PASK: variants seen among roughly 807,000 people sequenced by gnomAD.
PASK encodes PAS domain containing serine/threonine kinase.
Under a neutral mutation model 121.0 loss-of-function variants are expected in PASK, and 110 were observed. That is an observed-to-expected ratio of 0.91 (90% CI 0.78 to 1.06). The LOEUF is 1.06. Ranked by LOEUF, PASK falls within the 50% of genes least tolerant of loss-of-function variation. The pLI is 0.00. For synonymous variants in PASK, 686 were observed against 717.8 expected, an observed-to-expected ratio of 0.96 and a Z score of 0.71; for missense variants, 1,643 against 1,702.3, an observed-to-expected ratio of 0.97 and a Z score of 0.61.
Position 241,115,334 on chromosome 2 carries a change from A to G in PASK, c.3152T>C (p.Leu1051Ser). 6.2e-7 allele frequency: 1 copy of G among 1,613,922 alleles called. No homozygotes were observed. Among genetic ancestry groups the G allele is most frequent in the Non-Finnish European group, 8.5e-7 (1 of 1,179,862 alleles). The change falls in exon 13 of 18, where the codon TTA becomes TCA. Residue 1051 changes from leucine (L) to serine (S), a missense_variant. By Grantham distance (145) the Leu-to-Ser change is moderately radical. Around this residue, in one of 3 missense-constraint regions of PASK, gnomAD observed 453 missense variants for 511.2 expected, o/e 0.89. Coordinates refer to ENST00000234040, the MANE Select transcript of PASK (RefSeq NM_015148.4). ...CACCCTGGATAGAATTGCGATCTCT[A>G]AAGTAACTTTCCCAAGTTTGGGATC... is the stretch of plus-strand genomic sequence containing the variant. ...IEDPKLGKVT[L>S]EIAILSRVEH...
In PASK at chr2:241,126,445, CTGTTGGATCA is replaced by C. The variant is rs1304726464; in HGVS notation, c.2460_2469del (p.His820GlnfsTer45). The C allele has an allele frequency of 6.2e-6, 10 of 1,614,146 alleles. No homozygotes were observed. The East Asian group carries it at 2.2e-4, about 36-fold the overall frequency. ...GACACCAAACAAACCTCAAGCGGTT[CTGTTGGATCA>C]TGTCCCACACAGCTCTCCCGGAACC... On this transcript the variant is annotated frameshift_variant, in exon 10 of 18. Transcript: ENST00000234040. LOFTEE classifies it high-confidence loss of function.
At chr2:241,129,021 C>CT (rs2066004705) in intron 9 of PASK, among the ~76,000 whole-genome samples, 8 of 131,152 alleles carry the variant, frequency 6.1e-5, no homozygotes, top group Non-Finnish European at 8.4e-5. Context: ...ATGTCTCCCG[C>CT]CTCTCTCCCT....
At chr2:241,120,258 T>C (rs889014277) in intron 12 of PASK, among the ~76,000 whole-genome samples, 1 of 152,074 alleles carries the variant, frequency 6.6e-6, no homozygotes, top group Non-Finnish European at 1.5e-5. Flanking sequence ...TTTGGGAGGC[T>C]AAGGCGGGTA....
intron 12 of PASK, among the ~76,000 whole-genome samples, chr2:241,117,874 CA>C (rs2065442619): frequency 6.6e-6 from 1 of 152,086 alleles, no homozygotes; most frequent in Non-Finnish European, 1.5e-5. Context: ...GAAAAACTGG[CA>C]ACGAATATAT....
At chr2:241,114,754 T>C (rs1241902131) in intron 14 of PASK, 27 of 1,394,682 alleles carry the variant, frequency 1.9e-5, no homozygotes, top group Middle Eastern at 2.6e-4. Context: ...TTAATTTTTA[T>C]GATTGTTGTG....
rs771534365 is a variant in PASK at position 241,123,999 on chromosome 2, C to T, written c.2854G>A (p.Gly952Ser). Residue 952 changes from glycine to serine, a missense_variant, in exon 11 of 18, where the codon GGC becomes AGC. By Grantham distance (56) the Gly-to-Ser change is moderately conservative. Around this residue, in one of 3 missense-constraint regions of PASK, gnomAD observed 453 missense variants for 511.2 expected, o/e 0.89. Transcript: ENST00000234040. ...RTRLFLASLP[G>S]STHSTAAELT... ...TCAGCAGCGGTAGAGTGGGTGGAGCCGGGCAGGCTGGCAAGGAACAGGCGG... is the reference window on the plus strand; with the variant it reads ...TCAGCAGCGGTAGAGTGGGTGGAGCTGGGCAGGCTGGCAAGGAACAGGCGG... The T allele has an allele frequency of 3.0e-5, 48 of 1,613,916 alleles. No homozygotes were observed. Among genetic ancestry groups the T allele is most frequent in the Non-Finnish European group, 3.7e-5 (44 of 1,180,010 alleles).
chr2:241,109,687 T>G (rs912054570), intron 15 of PASK: 3 of 152,358 alleles, frequency 2.0e-5, no homozygotes, highest in Non-Finnish European at 4.4e-5. Flanking sequence ...AGCGGACGGA[T>G]GAGAGCTGTA....
upstream of PASK, chr2:241,149,788 G>A: frequency 1.3e-6 from 2 of 1,535,126 alleles, no homozygotes; most frequent in Non-Finnish European, 1.7e-6. Flanking sequence ...TGGGCCGGGT[G>A]GCTCCGCAGG....
At chr2:241,122,992 GC>G in intron 11 of PASK, 93 bp from the exon 12 acceptor site, 1 of 1,262,718 alleles carries the variant, frequency 7.9e-7, no homozygotes, top group Non-Finnish European at 1.1e-6. Flanking sequence ...TTCAGCAGCC[GC>G]CCGAGGCAGG....
At chr2:241,114,789 C>A in intron 14 of PASK, 1 of 1,419,398 alleles carries the variant, frequency 7.0e-7, no homozygotes, top group Non-Finnish European at 9.2e-7. Context: ...GTAAATAAAC[C>A]TTAACCATTA....
At chr2:241,140,917 T>C (rs1281848115) in intron 2 of PASK, 164 bp from the exon 3 acceptor site, 2 of 666,426 alleles carry the variant, frequency 3.0e-6, no homozygotes, top group Non-Finnish European at 5.6e-6. Context: ...TGTCTGAACA[T>C]GGTCCCCAGA....
rs1313127289 is a variant in PASK, at chr2:241,107,416, C to G, written c.3751G>C (p.Val1251Leu). The part of the protein sequence containing the change: ...TLEKLVTDPW[V>L]TQPVNLADYT... Reference sequence around the variant, plus strand: ...TCAGCAAGATTCACAGGCTGTGTTACCCACGGGTCTGTCACCAGCTTCTCC... The same window carrying G: ...TCAGCAAGATTCACAGGCTGTGTTAGCCACGGGTCTGTCACCAGCTTCTCC... The change falls in exon 17 of 18, where the codon GTA becomes CTA. Residue 1251 changes from valine (V) to leucine (L), a missense_variant. Physicochemically the swap from Val to Leu is conservative, Grantham distance 32. Transcript: ENST00000234040. The G allele has an allele frequency of 1.2e-6, 2 of 1,613,896 alleles. No individual in the cohort carries two copies. The highest frequency in any genetic ancestry group is 2.2e-5 in the South Asian group (2 of 91,070).
chr2:241,110,334 C>T (rs1423282053), intron 15 of PASK, among the ~76,000 whole-genome samples: 1 of 152,226 alleles, frequency 6.6e-6, no homozygotes, highest in Non-Finnish European at 1.5e-5. Flanking sequence ...AGTCTGCCGA[C>T]CCTGGAGTAG....
At chr2:241,137,849 A>C in intron 6 of PASK, 104 bp downstream of exon 6, 1 of 1,310,402 alleles carries the variant, frequency 7.6e-7, no homozygotes, top group South Asian at 1.2e-5. Flanking sequence ...TCCCACCCCT[A>C]AGGCCACCCT....
chr2:241,126,474 C>T lies in PASK; in HGVS notation c.2441G>A (p.Arg814Gln), dbSNP rs778659166. Reference sequence around the variant, plus strand: ...TGGATCATGTCCCACACAGCTCTCCCGGAACCGTCGGCCTTGGCCAAGGTC... The same window carrying T: ...TGGATCATGTCCCACACAGCTCTCCTGGAACCGTCGGCCTTGGCCAAGGTC... ...CVDLGQGRRFRESCVGHDPTE... is the reference protein window; with the variant it reads ...CVDLGQGRRFQESCVGHDPTE... The change falls in exon 10 of 18, where the codon CGG (arginine) becomes CAG (glutamine). Residue 814 changes from arginine (R) to glutamine (Q), a missense_variant. Coordinates refer to ENST00000234040, the MANE Select transcript of PASK (RefSeq NM_015148.4). 7.4e-6 allele frequency: 12 copies of T among 1,614,240 alleles called. No individual in the cohort carries two copies. The highest frequency in any genetic ancestry group is 2.2e-5 in the South Asian group (2 of 91,090).
chr2:241,139,221 T>C (rs572677805), intron 4 of PASK, among the ~76,000 whole-genome samples: 1 of 152,256 alleles, frequency 6.6e-6, no homozygotes, highest in South Asian at 2.1e-4. Flanking sequence ...AGCCACACAC[T>C]AGGTGGGAAA....
chr2:241,136,048 C>G lies in PASK; in HGVS notation c.1138-9G>C, dbSNP rs763239308. ...ATCAGGAAAGTGATATTCTAGAAAA[C>G]AAAGCAGGGACATTTCAGAACCTGG... is the stretch of plus-strand genomic sequence containing the variant. On this transcript the variant is annotated splice_polypyrimidine_tract_variant and intron_variant, in intron 7 of 17. Coordinates refer to ENST00000234040, the MANE Select transcript of PASK (RefSeq NM_015148.4). The G allele has an allele frequency of 8.7e-6, 14 of 1,613,232 alleles. No individual in the cohort carries two copies. Among genetic ancestry groups the G allele is most frequent in the Middle Eastern group, 3.3e-4 (2 of 6,062 alleles).
intron 2 of PASK, among the ~76,000 whole-genome samples, chr2:241,142,485 G>A (rs766827217): frequency 5.9e-5 from 9 of 152,216 alleles, no homozygotes; most frequent in Non-Finnish European, 1.2e-4. Context: ...TAAACTGCAC[G>A]AGCAAAGCTG....
intron 8 of PASK, chr2:241,134,425 G>GT (rs2066310681): frequency 6.6e-6 from 1 of 152,254 alleles, no homozygotes; most frequent in Non-Finnish European, 1.5e-5. Context: ...GCCTAACAAA[G>GT]TATCTTTTAA....
Sources: gnomAD v4.1 joint callset for allele counts (sites outside exome capture counted in the v4.1 genomes callset) on GRCh38, gnomAD v4.1.1 for gene constraint, gnomAD v4.1.1 regional missense constraint, MANE v1.5 for transcripts, NCBI Gene and HGNC (gene_info 2026-07-23, HGNC 2026-07-21) for gene names.